Variants in WDR41 observed in about 807,000 individuals in gnomAD.
WDR41 encodes the protein WD repeat-containing protein 41.
WDR41 carries 63 observed loss-of-function variants against 69.3 expected under a neutral mutation model. The ratio of observed to expected loss-of-function variants is 0.91; its 90% CI spans 0.74 to 1.12. The LOEUF (loss-of-function observed/expected upper bound fraction) is 1.12, where lower values mean the gene tolerates loss of function less well. Ranked by LOEUF, WDR41 falls within the 50% of genes most tolerant of loss-of-function variation. WDR41 has a pLI of 0.00. For missense variants in WDR41, 543 were observed against 534.5 expected (o/e 1.02, Z -0.16); for synonymous variants, 185 against 192.1 (o/e 0.96, Z 0.31).
At chr5:77,576,200 C>T (rs1406881354) in intron 1 of WDR41, among the ~76,000 whole-genome samples, 1 of 152,158 alleles carries the variant, frequency 6.6e-6, no homozygotes, top group Admixed American at 6.6e-5. Context: ...CCATTCCCTC[C>T]TGTCTCCCAA....
At chr5:77,591,337 C>T (rs1295780150) in intron 1 of WDR41, among the ~76,000 whole-genome samples, 7 of 151,972 alleles carry the variant, frequency 4.6e-5, no homozygotes, top group Non-Finnish European at 7.4e-5. Flanking sequence ...ACTTATTAGC[C>T]TTTTCAAAGA....
rs768315489 is a variant in WDR41, at chr5:77,453,900, A to G, written c.440T>C (p.Val147Ala). 1.4e-5 allele frequency: 23 copies of G among 1,614,126 alleles called. No individual in the cohort carries two copies. In the African/African-American group the frequency reaches 3.1e-4, roughly 22 times the overall value. ...KCLTVLQRLD[V>A]WLSGGNDLCV... ...CAGGTCATTCCCACCAGAAAGCCAA[A>G]CATCTAGTCTCTGAAGAACAGTTAA... The change falls in exon 6 of 13, where the codon GTT becomes GCT. Residue 147 changes from valine (V) to alanine (A), a missense_variant. Val to Ala is a moderately conservative substitution (Grantham distance 64). Coordinates refer to ENST00000296679, the MANE Select transcript of WDR41 (RefSeq NM_018268.4).
chr5:77,529,454 C>A (rs1024277571), intron 1 of WDR41, among the ~76,000 whole-genome samples: 2 of 151,494 alleles, frequency 1.3e-5, no homozygotes, highest in Non-Finnish European at 3.0e-5. Context: ...CTCCCCCAAA[C>A]TGATACAGAG....
chr5:77,476,247 C>G lies in WDR41; in HGVS notation c.168-11438G>C, dbSNP rs1161546258. 2.6e-5 allele frequency among the ~76,000 whole-genome samples: 4 copies of G among 152,234 alleles called. No homozygotes were observed. The South Asian group carries it at 8.3e-4, about 32-fold the overall frequency. ...GAATGGAACCAAACTGGAAAACACT[C>G]TGCAGGATATTATACAGGAGAACTT... On this transcript the variant is annotated intron_variant, in intron 2 of 12. Coordinates refer to ENST00000296679, the MANE Select transcript of WDR41 (RefSeq NM_018268.4).
intron 1 of WDR41, among the ~76,000 whole-genome samples, chr5:77,527,036 G>A (rs1433987425): frequency 6.6e-6 from 1 of 151,808 alleles, no homozygotes; most frequent in Non-Finnish European, 1.5e-5. Context: ...CTATACTTAT[G>A]ACATACCTAG....
At chr5:77,456,459 T>C (rs1205695444) in intron 5 of WDR41, among the ~76,000 whole-genome samples, 1 of 152,250 alleles carries the variant, frequency 6.6e-6, no homozygotes, top group Non-Finnish European at 1.5e-5. Flanking sequence ...ATCCATTTAC[T>C]AGCCTCAATA....
At chr5:77,492,504 G>C (rs1801858890), upstream of WDR41, 1 of 387,080 alleles carries the variant, frequency 2.6e-6, no homozygotes. Flanking sequence ...GCGCTGCTCC[G>C]AGTGAGCACG....
At chr5:77,528,366 A>G (rs1180286114) in intron 1 of WDR41, among the ~76,000 whole-genome samples, 1 of 151,816 alleles carries the variant, frequency 6.6e-6, no homozygotes, top group Non-Finnish European at 1.5e-5. Context: ...TAGAAAATCT[A>G]AACAGCTCAT....
intron 1 of WDR41, among the ~76,000 whole-genome samples, chr5:77,609,592 C>T (rs1436350863): frequency 1.3e-5 from 2 of 152,240 alleles, no homozygotes; most frequent in Admixed American, 6.5e-5. Context: ...CTACAGCTGA[C>T]AGTCCTGTCT....
intron 5 of WDR41, among the ~76,000 whole-genome samples, chr5:77,456,379 T>C (rs558155599): frequency 3.3e-4 from 50 of 152,366 alleles, no homozygotes; most frequent in African/African-American, 1.2e-3. Context: ...ATTTTTGGAA[T>C]GTTCATTGCT....
chr5:77,453,316 T>A (rs944371124), intron 6 of WDR41, among the ~76,000 whole-genome samples: 10 of 152,248 alleles, frequency 6.6e-5, no homozygotes, highest in African/African-American at 2.4e-4. Context: ...AGATTTTATT[T>A]TTTAAGATCC....
chr5:77,566,535 T>C (rs565231486), intron 1 of WDR41, among the ~76,000 whole-genome samples: 1 of 152,286 alleles, frequency 6.6e-6, no homozygotes, highest in Admixed American at 6.5e-5. Context: ...CCAAGACACA[T>C]ATTTCATTAG....
chr5:77,542,622 AG>A (rs1229944120), intron 1 of WDR41, among the ~76,000 whole-genome samples: 32 of 152,224 alleles, frequency 2.1e-4, no homozygotes, highest in Non-Finnish European at 2.5e-4. Context: ...AGAGCATGTA[AG>A]CCAGGAGTGG....
Position 77,440,988 on chromosome 5 carries a change from A to C in WDR41, c.707T>G (p.Phe236Cys). 1 of 1,613,376 alleles carries C rather than the reference A, an allele frequency of 6.2e-7. No individual in the cohort carries two copies. Among genetic ancestry groups the C allele is most frequent in the Non-Finnish European group, 8.5e-7 (1 of 1,179,744 alleles). Residue 236 changes from phenylalanine (F) to cysteine (C), a missense_variant, in exon 9 of 13, where the codon TTT becomes TGT. Coordinates refer to ENST00000296679, the MANE Select transcript of WDR41 (RefSeq NM_018268.4). Reference protein sequence around the residue: ...LSLINVNDLSFVTGSHVGELI... With the variant: ...LSLINVNDLSCVTGSHVGELI... The stretch of plus-strand genomic sequence containing the variant: ...CTCTCCGACGTGGGAGCCGGTGACA[A>C]AACTCAAATCTAGGCAAAGTTCACA...
chr5:77,510,971 G>T (rs893941989), intron 1 of WDR41, among the ~76,000 whole-genome samples: 1 of 151,856 alleles, frequency 6.6e-6, no homozygotes, highest in East Asian at 1.9e-4. Flanking sequence ...CACCATGTTG[G>T]TCAGGCTGGT....
chr5:77,437,370 T>C lies in WDR41; in HGVS notation c.1059A>G (p.Glu353=), dbSNP rs777963006. Residue 353 remains glutamate (E), a synonymous_variant, in exon 11 of 13, where the codon GAA becomes GAG. Coordinates refer to ENST00000296679, the MANE Select transcript of WDR41 (RefSeq NM_018268.4). The part of the protein sequence containing the change: ...DGSVRIWELR[E]KQQLAAEPVP... ...CAGGCTCAGCTGCAAGCTGCTGTTT[T>C]TCTCTTAACTCCCAAATGCGTACAC... 1.2e-6 allele frequency: 2 copies of C among 1,614,014 alleles called. No homozygotes were observed. The highest frequency in any genetic ancestry group is 3.3e-5 in the Admixed American group (2 of 60,022).
At position 77,453,913 on chromosome 5, in the gene WDR41, G is replaced by T. The variant is rs1404345433; in HGVS notation, c.427C>A (p.Gln143Lys). 1.9e-6 allele frequency: 3 copies of T among 1,613,842 alleles called. No homozygotes were observed. Among genetic ancestry groups the T allele is most frequent in the Non-Finnish European group, 2.5e-6 (3 of 1,179,950 alleles). ...CCAGAAAGCCAAACATCTAGTCTCT[G>T]AAGAACAGTTAAACACTGCAAAATT... ...QSTVKCLTVL[Q>K]RLDVWLSGGN... Residue 143 changes from glutamine to lysine, a missense_variant, in exon 6 of 13, where the codon CAG becomes AAG. Gln to Lys is a moderately conservative substitution (Grantham distance 53, BLOSUM62 1). Transcript: ENST00000296679.
intron 1 of WDR41, among the ~76,000 whole-genome samples, chr5:77,577,048 CAAG>C (rs1174190233): frequency 6.6e-6 from 1 of 152,088 alleles, no homozygotes; most frequent in Non-Finnish European, 1.5e-5. Context: ...GGGGACTTCA[CAAG>C]AAGACCACGA....
chr5:77,542,271 T>G (rs2112226368), intron 1 of WDR41, among the ~76,000 whole-genome samples: 1 of 152,122 alleles, frequency 6.6e-6, no homozygotes, highest in South Asian at 2.1e-4. Flanking sequence ...GGGGGCCTAC[T>G]GGAGGGTAAA....
Sources: gnomAD v4.1 joint callset for allele counts (sites outside exome capture counted in the v4.1 genomes callset) on GRCh38, gnomAD v4.1.1 for gene constraint, MANE v1.5 for transcripts, NCBI Gene and HGNC (gene_info 2026-07-23, HGNC 2026-07-21) for gene names.